ITGB6: variants seen among roughly 807,000 people sequenced by gnomAD.
ITGB6 encodes integrin beta-6.
Under a neutral mutation model 84.5 loss-of-function variants are expected in ITGB6, and 80 were observed. That is an observed-to-expected ratio of 0.95 (90% CI 0.79 to 1.14). ITGB6 has a LOEUF of 1.14. Ranked by LOEUF, ITGB6 falls within the 50% of genes most tolerant of loss-of-function variation. The pLI, the probability that ITGB6 is intolerant of heterozygous loss-of-function variation, is 0.00. For synonymous variants in ITGB6, 383 were observed against 354.9 expected (o/e 1.08, Z -0.89); for missense variants, 1,006 against 968.0 (o/e 1.04, Z -0.52).
intron 10 of ITGB6, among the ~76,000 whole-genome samples, chr2:160,133,295 A>G (rs1205355305): frequency 1.3e-5 from 2 of 152,198 alleles, no homozygotes; most frequent in Non-Finnish European, 2.9e-5. Flanking sequence ...TTAAACAAAC[A>G]AAGATCAAAA....
At chr2:160,172,533 T>G in intron 6 of ITGB6, 36 bp downstream of exon 6, 1 of 1,538,882 alleles carries the variant, frequency 6.5e-7, no homozygotes, top group Non-Finnish European at 8.9e-7. Flanking sequence ...CTCCTACTTA[T>G]AGCCCTGAAA....
At chr2:160,190,517 C>T (rs889117333) in intron 4 of ITGB6, among the ~76,000 whole-genome samples, 1 of 152,194 alleles carries the variant, frequency 6.6e-6, no homozygotes, top group African/African-American at 2.4e-5. Context: ...TGGTTAATCA[C>T]CATGCGATAC....
intron 6 of ITGB6, among the ~76,000 whole-genome samples, chr2:160,171,076 C>A (rs1438164123): frequency 2.6e-5 from 4 of 152,136 alleles, no homozygotes; most frequent in African/African-American, 9.7e-5. Flanking sequence ...GGAAAACATT[C>A]ATGTCGAAAT....
Position 160,123,816 on chromosome 2 carries a change from A to G in ITGB6, c.1956T>C (p.Ala652=). 1.2e-6 allele frequency: 2 copies of G among 1,614,030 alleles called. No individual in the cohort carries two copies. The highest frequency in any genetic ancestry group is 1.7e-6 in the Non-Finnish European group (2 of 1,179,922). ...CTTCTTCTTCACTGATGGTCGCACC[A>G]GCTAGTTTGCACTTGTCCACACATT... ...REECVDKCKL[A]GATISEEEDF... The change falls in exon 12 of 15, where the codon GCT becomes GCC. Residue 652 remains alanine (A), a synonymous_variant. Coordinates refer to ENST00000283249, the MANE Select transcript of ITGB6 (RefSeq NM_000888.5).
At chr2:160,134,768 C>A (rs937898195) in intron 10 of ITGB6, among the ~76,000 whole-genome samples, 3 of 152,162 alleles carry the variant, frequency 2.0e-5, no homozygotes, top group Non-Finnish European at 4.4e-5. Context: ...AATCAATAAA[C>A]GTAATCTAGC....
intron 4 of ITGB6, among the ~76,000 whole-genome samples, chr2:160,176,731 G>C (rs1170256217): frequency 2.0e-5 from 3 of 152,164 alleles, no homozygotes; most frequent in African/African-American, 7.2e-5. Flanking sequence ...TTGGCTAATG[G>C]TATCTCTAGA....
intron 7 of ITGB6, among the ~76,000 whole-genome samples, chr2:160,147,496 T>C (rs1053489869): frequency 1.3e-5 from 2 of 152,214 alleles, no homozygotes; most frequent in Non-Finnish European, 2.9e-5. Context: ...AAAGTTTCTA[T>C]GGAAAGGCAA....
In ITGB6 at chr2:160,152,668, G is replaced by T. The variant is rs186750513; in HGVS notation, c.1018-10597C>A. ...AGAGGAAGTCAAATTTTCCCTGTTT[G>T]CAGATGACATGATTGTATATCTAGA... On this transcript the variant is annotated intron_variant, in intron 7 of 14. Coordinates refer to ENST00000283249, the MANE Select transcript of ITGB6 (RefSeq NM_000888.5). Among the ~76,000 whole-genome samples, 1,320 of 152,274 alleles carry T rather than the reference G, an allele frequency of 8.7e-3. 24 individuals are homozygous for T. The highest frequency in any genetic ancestry group is 0.031 in the African/African-American group (1,274 of 41,540).
At chr2:160,155,592 T>C (rs973878653) in intron 7 of ITGB6, among the ~76,000 whole-genome samples, 7 of 152,188 alleles carry the variant, frequency 4.6e-5, no homozygotes. Flanking sequence ...TACCCTCTAC[T>C]CAATTTGCTG....
intron 12 of ITGB6, among the ~76,000 whole-genome samples, chr2:160,119,215 C>G (rs931564788): frequency 7.9e-5 from 12 of 152,194 alleles, no homozygotes; most frequent in Admixed American, 3.9e-4. Flanking sequence ...CAAGTCAATC[C>G]TAAGCCAAAA....
In ITGB6 at chr2:160,110,839, G is replaced by A. The variant is rs370494153; in HGVS notation, c.2101+1241C>T. 4.6e-5 allele frequency among the ~76,000 whole-genome samples: 7 copies of A among 152,204 alleles called. No individual in the cohort carries two copies. The East Asian group carries it at 1.2e-3, about 25-fold the overall frequency. On this transcript the variant is annotated intron_variant, in intron 13 of 14. Coordinates refer to ENST00000283249, the MANE Select transcript of ITGB6 (RefSeq NM_000888.5). ...CCATGGACCTCTGGGGACAGGTTCT[G>A]CTCTGCTGGCCCCTGGAAGTGCCAG...
chr2:160,169,560 C>T (rs570779186), intron 6 of ITGB6, among the ~76,000 whole-genome samples: 19 of 152,270 alleles, frequency 1.2e-4, no homozygotes, highest in African/African-American at 4.6e-4. Flanking sequence ...TCATGCTCTG[C>T]CACTTCTAAG....
chr2:160,174,435 T>C (rs575140025), intron 4 of ITGB6, among the ~76,000 whole-genome samples: 7 of 152,282 alleles, frequency 4.6e-5, no homozygotes, highest in African/African-American at 1.7e-4. Context: ...GTGTAATCAC[T>C]ACCTTCTATG....
chr2:160,108,549 CT>C (rs1433328659), intron 13 of ITGB6, among the ~76,000 whole-genome samples: 1 of 152,092 alleles, frequency 6.6e-6, no homozygotes, highest in Non-Finnish European at 1.5e-5. Flanking sequence ...CAGGCCCTTC[CT>C]CTGTAAAACA....
chr2:160,178,544 A>G (rs1200760533), intron 4 of ITGB6, among the ~76,000 whole-genome samples: 1 of 152,228 alleles, frequency 6.6e-6, no homozygotes, highest in African/African-American at 2.4e-5. Flanking sequence ...AATTTAACTC[A>G]CTAAAGAAAT....
intron 12 of ITGB6, among the ~76,000 whole-genome samples, chr2:160,120,922 AG>A (rs1206923803): frequency 1.9e-5 from 2 of 104,698 alleles, no homozygotes; most frequent in Non-Finnish European, 3.9e-5. Context: ...GGGATGGGGG[AG>A]GGGGGAGGGA....
At chr2:160,156,297 T>C (rs947145670) in intron 7 of ITGB6, among the ~76,000 whole-genome samples, 4 of 152,156 alleles carry the variant, frequency 2.6e-5, no homozygotes, top group Non-Finnish European at 1.5e-5. Flanking sequence ...TCCTTGGCTC[T>C]CACAGGAATC....
In ITGB6 at chr2:160,121,393, G is replaced by A. The variant is rs969113899; in HGVS notation, c.1981+2398C>T. 1.4e-4 allele frequency among the ~76,000 whole-genome samples: 22 copies of A among 152,236 alleles called. No individual in the cohort carries two copies. The South Asian group carries it at 1.5e-3, about 10-fold the overall frequency. ...CTATTTCTAAGATTTACATTACCAG[G>A]GGCGCCTTTTTCTATGTAATGTTTT... On this transcript the variant is annotated intron_variant, in intron 12 of 14. Transcript: ENST00000283249.
rs549882634 is a variant in ITGB6 at position 160,116,854 on chromosome 2, G to A, written c.1982-4655C>T. Among the ~76,000 whole-genome samples, 211 of 151,098 alleles carry A rather than the reference G, an allele frequency of 1.4e-3. 4 individuals carry two copies. The East Asian group carries it at 0.038, about 28-fold the overall frequency. On this transcript the variant is annotated intron_variant, in intron 12 of 14. Transcript: ENST00000283249. The stretch of plus-strand genomic sequence containing the variant: ...CAAATGGAAAACAAAAAAAGGCAGG[G>A]GTTGCAATCCTAGTCTCTGATAAAA...
Sources: gnomAD v4.1 joint callset for allele counts (sites outside exome capture counted in the v4.1 genomes callset) on GRCh38, gnomAD v4.1.1 for gene constraint, MANE v1.5 for transcripts, NCBI Gene and HGNC (gene_info 2026-07-23, HGNC 2026-07-21) for gene names.